ABHD12: variants seen among roughly 807,000 people sequenced by gnomAD.
ABHD12 encodes lysophosphatidylserine lipase ABHD12.
ABHD12 carries 43 observed loss-of-function variants against 58.3 expected under a neutral mutation model. That is an observed-to-expected ratio of 0.74 (90% confidence interval 0.58 to 0.95). ABHD12 has a LOEUF of 0.95. Ranked by LOEUF, ABHD12 falls within the 40% of genes least tolerant of loss-of-function variation. The pLI is 0.00. For synonymous variants in ABHD12, 219 were observed against 211.2 expected, an observed-to-expected ratio of 1.04 and a Z score of -0.32; for missense variants, 539 against 537.2, an observed-to-expected ratio of 1.00 and a Z score of -0.03.
At chr20:25,385,988 C>T (rs1461511209) in intron 1 of ABHD12, among the ~76,000 whole-genome samples, 5 of 151,570 alleles carry the variant, frequency 3.3e-5, no homozygotes, top group Admixed American at 1.3e-4. Context: ...GTAGTCCCAG[C>T]TACTTGGGAG....
At chr20:25,358,034 C>T (rs921426970) in intron 1 of ABHD12, among the ~76,000 whole-genome samples, 1 of 151,960 alleles carries the variant, frequency 6.6e-6, no homozygotes, top group African/African-American at 2.4e-5. Flanking sequence ...ATAATAATAC[C>T]ATCTAATGAC....
chr20:25,357,678 A>G (rs1203337474), intron 1 of ABHD12, among the ~76,000 whole-genome samples: 1 of 152,202 alleles, frequency 6.6e-6, no homozygotes, highest in Non-Finnish European at 1.5e-5. Flanking sequence ...CATCACACAA[A>G]TTTCAATCTC....
At chr20:25,336,775 T>C (rs1285767666) in intron 2 of ABHD12, among the ~76,000 whole-genome samples, 2 of 152,172 alleles carry the variant, frequency 1.3e-5, no homozygotes. Flanking sequence ...CATGTGCTGA[T>C]AAAACACTGT....
chr20:25,338,023 A>G (rs1839337543), intron 2 of ABHD12, among the ~76,000 whole-genome samples: 1 of 152,182 alleles, frequency 6.6e-6, no homozygotes, highest in African/African-American at 2.4e-5. Context: ...ATAGCCTTAT[A>G]ATTTATGTTC....
intron 2 of ABHD12, among the ~76,000 whole-genome samples, chr20:25,327,324 G>A (rs190848265): frequency 1.3e-5 from 2 of 152,088 alleles, no homozygotes; most frequent in African/African-American, 4.8e-5. Context: ...AAAATTAGCC[G>A]GGCATGGTGG....
intron 1 of ABHD12, among the ~76,000 whole-genome samples, chr20:25,371,581 T>C (rs908787138): frequency 6.6e-6 from 1 of 152,208 alleles, no homozygotes; most frequent in East Asian, 1.9e-4. Context: ...AAATGGGGAC[T>C]GACCTAATAT....
At chr20:25,390,429 A>C (rs995609774) in intron 1 of ABHD12, 84 bp downstream of exon 1, 3 of 1,220,750 alleles carry the variant, frequency 2.5e-6, no homozygotes, top group East Asian at 4.1e-5. Flanking sequence ...AGGGGCTGGG[A>C]GGTACCGCGG....
At chr20:25,354,921 CCTAT>C (rs1273749955) in intron 1 of ABHD12, among the ~76,000 whole-genome samples, 1 of 152,144 alleles carries the variant, frequency 6.6e-6, no homozygotes, top group African/African-American at 2.4e-5. Flanking sequence ...CTTTCTCTTT[CCTAT>C]CTCTTTCTTC....
At chr20:25,357,930 G>C (rs958571191) in intron 1 of ABHD12, among the ~76,000 whole-genome samples, 1 of 152,252 alleles carries the variant, frequency 6.6e-6, no homozygotes, top group African/African-American at 2.4e-5. Flanking sequence ...AGGATTGTTT[G>C]AGCCTGGGAG....
downstream of ABHD12, among the ~76,000 whole-genome samples, chr20:25,295,973 G>GA (rs1384037501): frequency 6.6e-6 from 1 of 152,192 alleles, no homozygotes; most frequent in African/African-American, 2.4e-5. Flanking sequence ...TGGCCTCGAG[G>GA]AAAGGCTGGC....
chr20:25,339,498 A>G (rs2089425979), intron 1 of ABHD12, 147 bp from the exon 2 acceptor site: 3 of 1,391,824 alleles, frequency 2.2e-6, no homozygotes, highest in Non-Finnish European at 3.0e-6. Context: ...GTAGCCTCCC[A>G]CCTGCCTTCA....
intron 1 of ABHD12, among the ~76,000 whole-genome samples, chr20:25,356,169 T>G (rs1419026218): frequency 6.6e-6 from 1 of 152,252 alleles, no homozygotes; most frequent in Non-Finnish European, 1.5e-5. Context: ...AAACAGCATC[T>G]GTAAAACTGC....
intron 3 of ABHD12, among the ~76,000 whole-genome samples, chr20:25,322,822 A>C (rs2089105202): frequency 6.6e-6 from 1 of 152,094 alleles, no homozygotes; most frequent in African/African-American, 2.4e-5. Context: ...TCCTGGAGTC[A>C]AGTGATCCTC....
At chr20:25,368,731 T>C (rs2089858905) in intron 1 of ABHD12, 1 of 1,171,776 alleles carries the variant, frequency 8.5e-7, no homozygotes, top group African/African-American at 1.5e-5. Context: ...GGGCTTGCCT[T>C]CGTCAGCAAT....
At chr20:25,324,063 C>T (rs1228411504) in intron 2 of ABHD12, among the ~76,000 whole-genome samples, 3 of 152,170 alleles carry the variant, frequency 2.0e-5, no homozygotes, top group African/African-American at 7.2e-5. Flanking sequence ...GAAGTCAGTG[C>T]AATGGCCCAG....
chr20:25,298,521 CT>C (rs2088586250), downstream of ABHD12, among the ~76,000 whole-genome samples: 2 of 152,200 alleles, frequency 1.3e-5, no homozygotes, highest in South Asian at 4.1e-4. Context: ...TCCGAAAGTG[CT>C]GAGATTACAG....
At chr20:25,326,746 A>C (rs899537378) in intron 2 of ABHD12, among the ~76,000 whole-genome samples, 2 of 151,390 alleles carry the variant, frequency 1.3e-5, no homozygotes, top group East Asian at 1.9e-4. Flanking sequence ...CTTCAAAAAA[A>C]AACAACAACA....
At chr20:25,336,163 T>C (rs1225540453) in intron 2 of ABHD12, among the ~76,000 whole-genome samples, 1 of 152,160 alleles carries the variant, frequency 6.6e-6, no homozygotes, top group Non-Finnish European at 1.5e-5. Context: ...GGAATCAGAC[T>C]GTGCATACAA....
At chr20:25,327,967 A>G (rs1159865574) in intron 2 of ABHD12, among the ~76,000 whole-genome samples, 8 of 152,064 alleles carry the variant, frequency 5.3e-5, no homozygotes, top group Admixed American at 3.3e-4. Flanking sequence ...TTGACTCCCT[A>G]TGATTTCATC....
Sources: allele counts gnomAD v4.1 joint callset (sites outside exome capture counted in the v4.1 genomes callset), GRCh38; gene constraint gnomAD v4.1.1; transcripts MANE v1.5; gene names NCBI Gene and HGNC (gene_info 2026-07-23, HGNC 2026-07-21).